Variants in GRIK2 observed in about 807,000 individuals in gnomAD.
The protein encoded by GRIK2 is glutamate ionotropic receptor kainate type subunit 2, also known as glutamate receptor ionotropic, kainate 2.
A neutral mutation model predicts 100.3 loss-of-function variants in GRIK2; 32 were observed. That is an observed-to-expected ratio of 0.32 (90% CI 0.24 to 0.43). The LOEUF is 0.43. Ranked by LOEUF, GRIK2 falls within the 20% of genes least tolerant of loss-of-function variation. The pLI, the probability that GRIK2 is intolerant of heterozygous loss-of-function variation, is 1.00. For synonymous variants in GRIK2, 417 were observed against 389.4 expected (o/e 1.07, Z -0.83); for missense variants, 843 against 1,114.9 (o/e 0.76, Z 3.47).
intron 10 of GRIK2, among the ~76,000 whole-genome samples, chr6:101,822,051 A>G (rs537667079): frequency 1.2e-4 from 19 of 152,190 alleles, no homozygotes; most frequent in African/African-American, 4.3e-4. Context: ...CATGAATTCT[A>G]TTCATTCACT....
intron 11 of GRIK2, among the ~76,000 whole-genome samples, chr6:101,867,690 T>C (rs1197324750): frequency 6.6e-6 from 1 of 151,638 alleles, no homozygotes; most frequent in Non-Finnish European, 1.5e-5. Context: ...AATTTTTCTT[T>C]CAGTACTAAT....
intron 12 of GRIK2, among the ~76,000 whole-genome samples, chr6:101,921,763 T>G: frequency 6.6e-6 from 1 of 151,988 alleles, no homozygotes; most frequent in East Asian, 1.9e-4. Context: ...TTCCTCACTA[T>G]TAGAGGAATG....
intron 11 of GRIK2, among the ~76,000 whole-genome samples, chr6:101,877,199 G>A (rs975842163): frequency 6.6e-6 from 1 of 151,848 alleles, no homozygotes; most frequent in African/African-American, 2.4e-5. Context: ...TATATGTAGA[G>A]TATATATGCA....
At position 101,827,590 on chromosome 6, in the gene GRIK2, C is replaced by T. The variant is rs192782688; in HGVS notation, c.1317+9107C>T. ...TAAAAGGATGGAGAAAGATCTGTCA[C>T]ACAGGTGGAAAACAAAAAAAGGACA... On this transcript the variant is annotated intron_variant, in intron 10 of 16. Transcript: ENST00000369134. Among the ~76,000 whole-genome samples, 6 of 151,780 alleles carry T rather than the reference C, an allele frequency of 4.0e-5. No individual in the cohort carries two copies. In the East Asian group the frequency reaches 1.2e-3, roughly 29 times the overall value.
At chr6:101,609,911 G>A (rs1195871240) in intron 2 of GRIK2, among the ~76,000 whole-genome samples, 2 of 151,648 alleles carry the variant, frequency 1.3e-5, no homozygotes, top group Non-Finnish European at 3.0e-5. Context: ...TAGGCTTCTT[G>A]AAGGAGAAGA....
intron 10 of GRIK2, among the ~76,000 whole-genome samples, chr6:101,834,076 T>A (rs1340264): frequency 0.3 from 44,817 of 151,884 alleles, 9,358 homozygotes; most frequent in East Asian, 0.67. Flanking sequence ...ATTTTATTGT[T>A]TCTTTTTGAA....
chr6:101,718,311 A>T (rs1341838020), intron 7 of GRIK2, among the ~76,000 whole-genome samples: 1 of 151,818 alleles, frequency 6.6e-6, no homozygotes, highest in Non-Finnish European at 1.5e-5. Flanking sequence ...CTAGAAAACC[A>T]TTGGGTGCCA....
intron 2 of GRIK2, among the ~76,000 whole-genome samples, chr6:101,423,903 G>A (rs1227057224): frequency 6.6e-6 from 1 of 152,074 alleles, no homozygotes; most frequent in African/African-American, 2.4e-5. Context: ...CAATAGCCAA[G>A]ATATGGAAAC....
In GRIK2 at chr6:101,403,809, A is replaced by G. The variant is rs372037976; in HGVS notation, c.115+4417A>G. ...GGATGGGGGAGTAATAGCGGCTACT[A>G]TCTGCAACAGATAAAGCCTGAACAC... On this transcript the variant is annotated intron_variant, in intron 2 of 16. Transcript: ENST00000369134. 9.8e-5 allele frequency among the ~76,000 whole-genome samples: 15 copies of G among 152,294 alleles called. No homozygotes were observed. The East Asian group carries it at 2.5e-3, about 25-fold the overall frequency.
chr6:101,971,957 A>G (rs1340368464), intron 14 of GRIK2, among the ~76,000 whole-genome samples: 2 of 151,936 alleles, frequency 1.3e-5, no homozygotes, highest in African/African-American at 4.8e-5. Flanking sequence ...TAGTATTCCA[A>G]GGTATATATG....
At chr6:101,640,950 T>G (rs1402476100) in intron 4 of GRIK2, among the ~76,000 whole-genome samples, 1 of 152,170 alleles carries the variant, frequency 6.6e-6, no homozygotes, top group Non-Finnish European at 1.5e-5. Flanking sequence ...AGCATAATTT[T>G]TTAGTGATTT....
At position 101,637,638 on chromosome 6, in the gene GRIK2, A is replaced by G. The variant is rs1582871855; in HGVS notation, c.541+11001A>G. Reference sequence around the variant, plus strand: ...GAGAAAAGGGTCTTTTTTTGAAATGATAGTCTCATGAGGTCATTCCCAAGC... The same window carrying G: ...GAGAAAAGGGTCTTTTTTTGAAATGGTAGTCTCATGAGGTCATTCCCAAGC... On this transcript the variant is annotated intron_variant, in intron 4 of 16. Transcript: ENST00000369134. Among the ~76,000 whole-genome samples, 3 of 152,204 alleles carry G rather than the reference A, an allele frequency of 2.0e-5. No homozygotes were observed. The East Asian group carries it at 5.8e-4, about 29-fold the overall frequency.
intron 14 of GRIK2, among the ~76,000 whole-genome samples, chr6:102,019,823 A>G (rs1172767772): frequency 1.3e-5 from 2 of 151,978 alleles, no homozygotes; most frequent in African/African-American, 4.8e-5. Flanking sequence ...TAAATTAACC[A>G]TCTAACTGCT....
intron 11 of GRIK2, among the ~76,000 whole-genome samples, chr6:101,863,575 G>C (rs1481388774): frequency 7.2e-5 from 11 of 152,110 alleles, no homozygotes; most frequent in Admixed American, 7.2e-4. Context: ...CCCAGCTGGA[G>C]GCAAAATTTC....
intron 14 of GRIK2, among the ~76,000 whole-genome samples, chr6:101,981,428 ATCT>A (rs1214727253): frequency 6.6e-6 from 1 of 151,904 alleles, no homozygotes; most frequent in Non-Finnish European, 1.5e-5. Context: ...TGATTGTATC[ATCT>A]TCATCATTCA....
chr6:101,779,820 AATCCATATGCATATATACAC>A (rs1334770703), intron 7 of GRIK2, among the ~76,000 whole-genome samples: 1 of 152,146 alleles, frequency 6.6e-6, no homozygotes, highest in Middle Eastern at 3.2e-3. Flanking sequence ...TAATGTATAT[AATCCATATGCATATATACAC>A]ATATATAATT....
chr6:101,603,809 G>T (rs1191781771), intron 2 of GRIK2, among the ~76,000 whole-genome samples: 1 of 151,694 alleles, frequency 6.6e-6, no homozygotes, highest in Non-Finnish European at 1.5e-5. Flanking sequence ...AAGAGGCTAT[G>T]AGCTGGGGCT....
intron 10 of GRIK2, among the ~76,000 whole-genome samples, chr6:101,846,547 G>A (rs1562434882): frequency 6.6e-6 from 1 of 152,010 alleles, no homozygotes; most frequent in Non-Finnish European, 1.5e-5. Flanking sequence ...ACAAGAAGGT[G>A]TTCCCTCCTG....
chr6:101,949,199 ATT>A (rs747370673), intron 14 of GRIK2, among the ~76,000 whole-genome samples: 3 of 135,098 alleles, frequency 2.2e-5, no homozygotes, highest in African/African-American at 9.6e-5. Context: ...TGTTTTTGCG[ATT>A]TTTTTTTTTT....
Sources: gnomAD v4.1 joint callset for allele counts (sites outside exome capture counted in the v4.1 genomes callset) on GRCh38, gnomAD v4.1.1 for gene constraint, MANE v1.5 for transcripts, NCBI Gene and HGNC (gene_info 2026-07-23, HGNC 2026-07-21) for gene names.